The following ARPP21 variants were observed in gnomAD, a reference collection of about 807,000 sequenced individuals.
ARPP21 encodes the protein cAMP-regulated phosphoprotein 21.
A neutral mutation model predicts 113.2 loss-of-function variants in ARPP21; 69 were observed. The ratio of observed to expected loss-of-function variants is 0.61; its 90% CI spans 0.50 to 0.74. ARPP21 has a LOEUF of 0.74. Ranked by LOEUF, ARPP21 falls within the 30% of genes least tolerant of loss-of-function variation. The probability of loss-of-function intolerance (pLI) is 0.00; values close to 1 mark genes in which losing one functional copy is unlikely to be tolerated. For synonymous variants in ARPP21, 368 were observed against 375.5 expected, an observed-to-expected ratio of 0.98 and a Z score of 0.23; for missense variants, 1,070 against 1,037.4, an observed-to-expected ratio of 1.03 and a Z score of -0.43.
At chr3:35,736,310 C>G (rs2150666483) in intron 15 of ARPP21, among the ~76,000 whole-genome samples, 1 of 152,258 alleles carries the variant, frequency 6.6e-6, no homozygotes, top group African/African-American at 2.4e-5. Flanking sequence ...CGCTCCTTGA[C>G]TGCACTTTGC....
At chr3:35,757,362 C>T (rs770033746) in intron 19 of ARPP21, among the ~76,000 whole-genome samples, 10 of 152,008 alleles carry the variant, frequency 6.6e-5, no homozygotes, top group Non-Finnish European at 1.3e-4. Flanking sequence ...CACACCCAGA[C>T]CCCTTCAATG....
intron 1 of ARPP21, among the ~76,000 whole-genome samples, chr3:35,664,187 C>G (rs1049905239): frequency 2.6e-5 from 4 of 152,128 alleles, no homozygotes; most frequent in South Asian, 2.1e-4. Flanking sequence ...TTGACACGTA[C>G]ATATTTATGG....
At chr3:35,767,816 A>C (rs2096039140) in intron 19 of ARPP21, among the ~76,000 whole-genome samples, 1 of 151,952 alleles carries the variant, frequency 6.6e-6, no homozygotes, top group Non-Finnish European at 1.5e-5. Flanking sequence ...CAGGATCTCT[A>C]ACCCAGTGTT....
chr3:35,668,003 A>G (rs530626210), intron 1 of ARPP21, among the ~76,000 whole-genome samples: 1 of 149,792 alleles, frequency 6.7e-6, no homozygotes. Flanking sequence ...GAAGAAGAAG[A>G]AGAAGAAGAA....
rs1276477976 is a variant in ARPP21, at chr3:35,687,808, T to C, written c.331T>C (p.Ser111Pro). The part of the protein sequence containing the change: ...QEEDKSRKDD[S>P]EREKEKDKNK... ...GGAGGATAAATCTAGGAAAGATGAC[T>C]CTGAAAGAGAAAAAGAAAAGGATAA... Residue 111 changes from serine (S) to proline (P), a missense_variant, in exon 6 of 21, where the codon TCT becomes CCT. Transcript: ENST00000684406. 6.2e-7 allele frequency: 1 copy of C among 1,605,428 alleles called. No homozygotes were observed. Among genetic ancestry groups the C allele is most frequent in the Non-Finnish European group, 8.5e-7 (1 of 1,175,916 alleles).
intron 11 of ARPP21, among the ~76,000 whole-genome samples, chr3:35,712,075 C>T (rs1191278065): frequency 6.6e-6 from 1 of 152,174 alleles, no homozygotes. Context: ...AGGCAGCACA[C>T]TTTAGGGGAC....
intron 9 of ARPP21, 123 bp downstream of exon 9, chr3:35,691,128 T>C: frequency 1.9e-6 from 2 of 1,073,132 alleles, no homozygotes; most frequent in South Asian, 4.3e-5. Context: ...TATCTCTTGC[T>C]CTTATCAGAA....
rs565688485 is a variant in ARPP21, at chr3:35,684,549, C to T, written c.261+734C>T. ...CATATTAGCTTTTATAAAAAATGGT[C>T]TTGCTGCTGAAATTGTACTTATTTT... On this transcript the variant is annotated intron_variant, in intron 5 of 20. Coordinates refer to ENST00000684406, the MANE Select transcript of ARPP21 (RefSeq NM_001385562.1). 1.7e-4 allele frequency: 163 copies of T among 985,556 alleles called. 1 individual carries two copies. In the South Asian group the frequency reaches 7.0e-3, roughly 43 times the overall value. The allele number at this position is 985,556 out of a possible 1,614,324, so 61.1% of individuals were successfully genotyped here.
chr3:35,643,251 A>G (rs1171376143), intron 1 of ARPP21, among the ~76,000 whole-genome samples: 3 of 152,098 alleles, frequency 2.0e-5, no homozygotes, highest in Non-Finnish European at 4.4e-5. Flanking sequence ...GTTTCTATTA[A>G]ATGGGGAAGT....
intron 1 of ARPP21, among the ~76,000 whole-genome samples, chr3:35,678,227 C>G (rs1038887311): frequency 1.3e-5 from 2 of 151,880 alleles, no homozygotes; most frequent in African/African-American, 4.8e-5. Context: ...TGTTCACCTG[C>G]TGAGTGAACT....
intron 19 of ARPP21, among the ~76,000 whole-genome samples, chr3:35,757,901 AGATT>A: frequency 6.6e-6 from 1 of 152,132 alleles, no homozygotes; most frequent in Non-Finnish European, 1.5e-5. Flanking sequence ...CTGTATTTTC[AGATT>A]TCATGTGTTT....
At chr3:35,749,508 A>G (rs1489058525) in intron 19 of ARPP21, among the ~76,000 whole-genome samples, 2 of 150,710 alleles carry the variant, frequency 1.3e-5, no homozygotes, top group Non-Finnish European at 3.0e-5. Context: ...AATTGGGGGA[A>G]GAAGTTTGGT....
rs1488053337 is a variant in ARPP21, at chr3:35,712,561, T to TGTGTGTGTGA, written c.898-2877_898-2876insTGTGTGTGAG. Among the ~76,000 whole-genome samples the TGTGTGTGTGA allele has an allele frequency of 2.8e-5, 4 of 143,560 alleles. 1 individual carries two copies. The highest frequency in any genetic ancestry group is 1.4e-4 in the Admixed American group (2 of 14,446). The allele number at this position is 143,560 out of a possible 152,430, so 94.2% of individuals were successfully genotyped here. On this transcript the variant is annotated intron_variant, in intron 11 of 20. Transcript: ENST00000684406. ...GTGTGTGTGTGTGTGTGTGTGTGTG[T>TGTGTGTGTGA]GAAAGAGAGAGAGTGTGTGTGTGTA... is the stretch of plus-strand genomic sequence containing the variant.
intron 1 of ARPP21, among the ~76,000 whole-genome samples, chr3:35,665,578 A>T (rs2074145422): frequency 6.6e-6 from 1 of 152,158 alleles, no homozygotes; most frequent in Non-Finnish European, 1.5e-5. Context: ...TATAGTGAAA[A>T]CATTCATTTG....
chr3:35,664,038 G>A (rs1234773181), intron 1 of ARPP21, among the ~76,000 whole-genome samples: 1 of 152,146 alleles, frequency 6.6e-6, no homozygotes, highest in Admixed American at 6.5e-5. Context: ...ACTATAAAGC[G>A]AAAATCAAAA....
At chr3:35,793,673 C>A in intron 20 of ARPP21, 28 bp from the exon 21 acceptor site, 3 of 1,584,518 alleles carry the variant, frequency 1.9e-6, no homozygotes, top group Non-Finnish European at 2.6e-6. Context: ...TCTCTTCATA[C>A]AGGGTTCTTG....
chr3:35,754,066 A>G (rs1203034731), intron 19 of ARPP21, among the ~76,000 whole-genome samples: 3 of 145,480 alleles, frequency 2.1e-5, no homozygotes, highest in African/African-American at 2.6e-5. Context: ...GGAGATGGGG[A>G]GAAGGAGCAT....
At chr3:35,759,651 A>G (rs1279747332) in intron 19 of ARPP21, among the ~76,000 whole-genome samples, 1 of 119,636 alleles carries the variant, frequency 8.4e-6, no homozygotes, top group South Asian at 2.7e-4. Flanking sequence ...TTTTATTTTC[A>G]TTTTTTTCCT....
chr3:35,758,710 T>C (rs1401224483), intron 19 of ARPP21, among the ~76,000 whole-genome samples: 1 of 152,124 alleles, frequency 6.6e-6, no homozygotes, highest in Admixed American at 6.6e-5. Flanking sequence ...TTAACCATTG[T>C]CTATAAGTCC....
Sources: allele counts gnomAD v4.1 joint callset (sites outside exome capture counted in the v4.1 genomes callset), GRCh38; gene constraint gnomAD v4.1.1; transcripts MANE v1.5; gene names NCBI Gene and HGNC (gene_info 2026-07-23, HGNC 2026-07-21).